Variants in KDM4C observed in about 807,000 individuals in gnomAD.
KDM4C encodes lysine-specific demethylase 4C.
A neutral mutation model predicts 129.3 loss-of-function variants in KDM4C; 81 were observed. That is an observed-to-expected ratio of 0.63 (90% confidence interval 0.52 to 0.75). The LOEUF (loss-of-function observed/expected upper bound fraction) is 0.75, where lower values mean the gene tolerates loss of function less well. Among genes scored for constraint, KDM4C ranks in the 30% least tolerant of loss-of-function variants. KDM4C has a pLI of 0.00. For synonymous variants in KDM4C, 573 were observed against 456.1 expected (o/e 1.26, Z -3.26); for missense variants, 1,457 against 1,304.0 (o/e 1.12, Z -1.81).
chr9:7,015,864 A>T lies in KDM4C; in HGVS notation c.2194A>T (p.Ile732Phe). 1 of 1,610,542 alleles carries T rather than the reference A, an allele frequency of 6.2e-7. No homozygotes were observed. ...CTATTATTTTATAGGTTGTTATGGT[A>T]TTCCTTCTCATGAGATCTGTGATGG... ...CVRVHASCYG[I>F]PSHEICDGWL... The change falls in exon 15 of 22, where the codon ATT becomes TTT. Residue 732 changes from isoleucine (I) to phenylalanine (F), a missense_variant. Physicochemically the swap from Ile to Phe is conservative, Grantham distance 21. Transcript: ENST00000381309.
chr9:6,842,622 T>C (rs562313945), intron 4 of KDM4C, among the ~76,000 whole-genome samples: 3 of 151,960 alleles, frequency 2.0e-5, no homozygotes, highest in African/African-American at 7.2e-5. Flanking sequence ...GGACGTGAGC[T>C]ACTGCACCAG....
intron 1 of KDM4C, among the ~76,000 whole-genome samples, chr9:6,762,360 T>TG (rs1819729860): frequency 6.6e-6 from 1 of 151,546 alleles, no homozygotes; most frequent in Non-Finnish European, 1.5e-5. Context: ...TTTGTAGAGA[T>TG]GGGGTCTCAG....
chr9:6,837,326 C>G (rs58955871), intron 4 of KDM4C, among the ~76,000 whole-genome samples: 1 of 152,116 alleles, frequency 6.6e-6, no homozygotes, highest in South Asian at 2.1e-4. Context: ...CAAAGTATTA[C>G]GATTACAGGC....
chr9:7,095,166 T>G (rs1836276052), intron 17 of KDM4C, among the ~76,000 whole-genome samples: 1 of 152,214 alleles, frequency 6.6e-6, no homozygotes, highest in Non-Finnish European at 1.5e-5. Flanking sequence ...ATTTCTTCAT[T>G]GCACATCCGT....
intron 1 of KDM4C, among the ~76,000 whole-genome samples, chr9:6,769,464 G>C (rs1054854395): frequency 7.2e-5 from 11 of 152,098 alleles, no homozygotes; most frequent in African/African-American, 2.7e-4. Context: ...TTTGCTGTTT[G>C]ACCTTAGAAA....
intron 19 of KDM4C, among the ~76,000 whole-genome samples, chr9:7,159,878 C>A (rs117945740): frequency 0.02 from 3,079 of 152,164 alleles, 164 homozygotes; most frequent in East Asian, 0.19. Flanking sequence ...ATGTTGGACT[C>A]GCTTGCTAGG....
At chr9:7,172,215 C>G (rs76933558) in intron 21 of KDM4C, among the ~76,000 whole-genome samples, 1 of 152,136 alleles carries the variant, frequency 6.6e-6, no homozygotes, top group African/African-American at 2.4e-5. Flanking sequence ...ATTTTAATGA[C>G]TTCGGCTCAC....
intron 15 of KDM4C, among the ~76,000 whole-genome samples, chr9:7,035,875 G>T (rs1203498969): frequency 6.6e-6 from 1 of 152,092 alleles, no homozygotes; most frequent in African/African-American, 2.4e-5. Context: ...CCATGCTGTT[G>T]TTGGTTACTA....
intron 16 of KDM4C, 142 bp from the exon 17 acceptor site, chr9:7,048,950 T>TCAGA (rs1829784672): frequency 1.7e-6 from 1 of 590,030 alleles, no homozygotes; most frequent in African/African-American, 1.9e-5. Flanking sequence ...GGTTTACAGT[T>TCAGA]CAGAATCTGT....
intron 6 of KDM4C, among the ~76,000 whole-genome samples, chr9:6,885,152 A>G (rs1361719110): frequency 6.6e-6 from 1 of 152,154 alleles, no homozygotes; most frequent in African/African-American, 2.4e-5. Flanking sequence ...ATACCCCAAA[A>G]AAGTTCCCTC....
At chr9:6,776,765 G>GTA in intron 1 of KDM4C, among the ~76,000 whole-genome samples, 1 of 151,696 alleles carries the variant, frequency 6.6e-6, no homozygotes, top group Admixed American at 6.6e-5. Context: ...CCACGCCCGG[G>GTA]TAATTTTTGT....
chr9:6,800,762 G>A (rs1167093494), intron 2 of KDM4C, among the ~76,000 whole-genome samples: 1 of 152,082 alleles, frequency 6.6e-6, no homozygotes, highest in Non-Finnish European at 1.5e-5. Context: ...GAGTAGCTAG[G>A]ACTATAGGCG....
chr9:6,776,694 TC>T (rs34535865), intron 1 of KDM4C, among the ~76,000 whole-genome samples: 33,189 of 146,702 alleles, frequency 0.23, 4,094 homozygotes, highest in Non-Finnish European at 0.29. Flanking sequence ...AACCTCCACC[TC>T]CTGGGTTCAA....
At chr9:7,039,973 A>G (rs937237138) in intron 15 of KDM4C, among the ~76,000 whole-genome samples, 3 of 152,044 alleles carry the variant, frequency 2.0e-5, no homozygotes, top group East Asian at 1.9e-4. Context: ...TGATAGAACC[A>G]TGTTTCTTGT....
At chr9:6,988,933 A>T (rs1317587181) in intron 11 of KDM4C, among the ~76,000 whole-genome samples, 1 of 151,950 alleles carries the variant, frequency 6.6e-6, no homozygotes, top group East Asian at 1.9e-4. Flanking sequence ...TTCGTTACAT[A>T]TTTACCGAGT....
intron 17 of KDM4C, among the ~76,000 whole-genome samples, chr9:7,052,898 A>AGAGAGAGAGAGAGAGAGAGAGAGC (rs1477487723): frequency 8.4e-5 from 4 of 47,526 alleles, no homozygotes; most frequent in Admixed American, 2.6e-4. Flanking sequence ...AGAGAGAGAG[A>AGAGAGAGAGAGAGAGAGAGAGAGC]GAGCGAGCGA....
intron 2 of KDM4C, among the ~76,000 whole-genome samples, chr9:6,799,209 C>G (rs1194540246): frequency 1.3e-5 from 2 of 152,194 alleles, no homozygotes; most frequent in Non-Finnish European, 2.9e-5. Context: ...GAGGCCAAGG[C>G]AGGCGGCTGG....
intron 1 of KDM4C, among the ~76,000 whole-genome samples, chr9:6,789,969 T>C (rs1465525141): frequency 6.6e-6 from 1 of 151,814 alleles, no homozygotes; most frequent in African/African-American, 2.4e-5. Flanking sequence ...CATTGTGAGA[T>C]AGATGCTCAT....
intron 19 of KDM4C, among the ~76,000 whole-genome samples, chr9:7,154,096 TG>T (rs1842943497): frequency 6.6e-6 from 1 of 152,196 alleles, no homozygotes; most frequent in African/African-American, 2.4e-5. Flanking sequence ...AGGGAGTGTC[TG>T]GCAGTGTTCA....
Sources: allele counts gnomAD v4.1 joint callset (sites outside exome capture counted in the v4.1 genomes callset), GRCh38; gene constraint gnomAD v4.1.1; transcripts MANE v1.5; gene names NCBI Gene and HGNC (gene_info 2026-07-23, HGNC 2026-07-21).